The following ELOC variants were observed in gnomAD, a reference collection of about 807,000 sequenced individuals.
ELOC encodes the protein elongin-C.
For missense variants in ELOC, 38 were observed against 139.0 expected, an observed-to-expected ratio of 0.27 and a Z score of 3.65; for synonymous variants, 40 against 51.3, an observed-to-expected ratio of 0.78 and a Z score of 0.94.
intron 1 of ELOC, among the ~76,000 whole-genome samples, chr8:73,963,436 T>G (rs1231671848): frequency 6.6e-6 from 1 of 152,222 alleles, no homozygotes; most frequent in Non-Finnish European, 1.5e-5. Context: ...CCATTATGAA[T>G]GGGGTCTGTT....
intron 1 of ELOC, among the ~76,000 whole-genome samples, chr8:73,963,764 GA>G (rs932343993): frequency 3.3e-4 from 50 of 152,064 alleles, no homozygotes; most frequent in African/African-American, 1.2e-3. Flanking sequence ...AAAAATAGCA[GA>G]AAAAAGAATA....
chr8:73,951,589 C>T (rs1813759789), intron 3 of ELOC, among the ~76,000 whole-genome samples: 1 of 152,012 alleles, frequency 6.6e-6, no homozygotes, highest in Non-Finnish European at 1.5e-5. Context: ...TGTGCCACTA[C>T]ACTCCAGCCT....
At chr8:73,961,492 A>T (rs911279119) in intron 1 of ELOC, among the ~76,000 whole-genome samples, 3 of 152,206 alleles carry the variant, frequency 2.0e-5, no homozygotes, top group African/African-American at 7.2e-5. Context: ...GCATGGAGAC[A>T]GATATTCAAA....
chr8:73,961,241 G>T (rs1033542948), intron 1 of ELOC, among the ~76,000 whole-genome samples: 2 of 152,058 alleles, frequency 1.3e-5, no homozygotes, highest in African/African-American at 4.8e-5. Context: ...GTCATTAACA[G>T]GAAAAAAGCA....
intron 3 of ELOC, among the ~76,000 whole-genome samples, chr8:73,950,708 C>A (rs890809358): frequency 3.9e-5 from 6 of 152,186 alleles, no homozygotes; most frequent in African/African-American, 1.4e-4. Context: ...GTGCTACCTA[C>A]AAATATCCTT....
At chr8:73,947,738 A>C (rs1164737466) in intron 3 of ELOC, among the ~76,000 whole-genome samples, 1 of 151,602 alleles carries the variant, frequency 6.6e-6, no homozygotes, top group Non-Finnish European at 1.5e-5. Flanking sequence ...CCATGTCTGG[A>C]TAATTCTTGT....
At chr8:73,956,478 A>G (rs995879692) in intron 2 of ELOC, among the ~76,000 whole-genome samples, 1 of 152,240 alleles carries the variant, frequency 6.6e-6, no homozygotes, top group Non-Finnish European at 1.5e-5. Flanking sequence ...AAGGTATTAT[A>G]ATAGTCACCA....
chr8:73,948,133 A>G (rs1813505681), intron 3 of ELOC, among the ~76,000 whole-genome samples: 1 of 151,772 alleles, frequency 6.6e-6, no homozygotes, highest in Non-Finnish European at 1.5e-5. Context: ...CAGAGGTTGC[A>G]GTGAGCCAAG....
intron 3 of ELOC, among the ~76,000 whole-genome samples, chr8:73,949,840 C>T (rs1375651366): frequency 6.6e-6 from 1 of 152,054 alleles, no homozygotes; most frequent in Non-Finnish European, 1.5e-5. Flanking sequence ...AGCAAAAGCT[C>T]TTTGTTTCTA....
rs773683672 is a variant in ELOC, at chr8:73,959,773, T to A, written c.-5A>T. The A allele has an allele frequency of 9.6e-6, 15 of 1,554,480 alleles. No individual in the cohort carries two copies. Among genetic ancestry groups the A allele is most frequent in the Non-Finnish European group, 1.0e-5 (12 of 1,151,536 alleles). ...AATTATCTTTAGCTTACCCATTTTG[T>A]TCTTATGAAATTCTACTTTGCTTCC... On this transcript the variant is annotated 5_prime_UTR_variant, in exon 2 of 4. Coordinates refer to ENST00000520242, the MANE Select transcript of ELOC (RefSeq NM_005648.4).
At chr8:73,956,831 C>T (rs1212689574) in intron 2 of ELOC, among the ~76,000 whole-genome samples, 6 of 152,160 alleles carry the variant, frequency 3.9e-5, no homozygotes, top group Non-Finnish European at 8.8e-5. Context: ...GCATTTCACA[C>T]TTGATGGTTA....
intron 3 of ELOC, 23 bp from the exon 4 acceptor site, chr8:73,946,843 A>G (rs372928597): frequency 3.6e-5 from 57 of 1,596,796 alleles, no homozygotes; most frequent in Middle Eastern, 1.7e-4. Context: ...AGAATTATGT[A>G]TGTTATTGGC....
At chr8:73,961,814 C>T (rs1452016963) in intron 1 of ELOC, among the ~76,000 whole-genome samples, 1 of 152,060 alleles carries the variant, frequency 6.6e-6, no homozygotes, top group Non-Finnish European at 1.5e-5. Flanking sequence ...AGAAAATAGG[C>T]AGCACTAACA....
chr8:73,963,440 G>A (rs948581205), intron 1 of ELOC, among the ~76,000 whole-genome samples: 2 of 152,126 alleles, frequency 1.3e-5, no homozygotes, highest in African/African-American at 4.8e-5. Flanking sequence ...TATGAATGGG[G>A]TCTGTTTTAC....
chr8:73,962,359 C>T (rs1197952542), intron 1 of ELOC, among the ~76,000 whole-genome samples: 1 of 152,162 alleles, frequency 6.6e-6, no homozygotes, highest in African/African-American at 2.4e-5. Context: ...TCCACTCCTT[C>T]CATTATTGCC....
intron 1 of ELOC, among the ~76,000 whole-genome samples, chr8:73,964,089 G>A (rs1322250907): frequency 2.6e-4 from 5 of 19,322 alleles, no homozygotes; most frequent in African/African-American, 4.0e-4. Context: ...GTGAAATTCC[G>A]TCTCAAAAAA....
intron 3 of ELOC, among the ~76,000 whole-genome samples, chr8:73,947,306 G>A (rs1202226090): frequency 6.6e-6 from 1 of 152,030 alleles, no homozygotes; most frequent in East Asian, 1.9e-4. Context: ...ATTCTCGTAA[G>A]AGATCCGGAC....
chr8:73,958,821 C>T (rs571826044), intron 2 of ELOC, among the ~76,000 whole-genome samples: 7 of 152,224 alleles, frequency 4.6e-5, no homozygotes, highest in Non-Finnish European at 8.8e-5. Context: ...CATTGCTTAA[C>T]GATGGAGATA....
At chr8:73,957,657 C>A (rs533219249) in intron 2 of ELOC, among the ~76,000 whole-genome samples, 5 of 152,184 alleles carry the variant, frequency 3.3e-5, no homozygotes, top group Admixed American at 3.3e-4. Context: ...AACAACCAGA[C>A]AAATTAAAAT....
Sources: gnomAD v4.1 joint callset for allele counts (sites outside exome capture counted in the v4.1 genomes callset) on GRCh38, gnomAD v4.1.1 for gene constraint, MANE v1.5 for transcripts, NCBI Gene and HGNC (gene_info 2026-07-23, HGNC 2026-07-21) for gene names.